SLC24A1: variants seen among roughly 807,000 people sequenced by gnomAD.
SLC24A1 encodes the protein solute carrier family 24 member 1.
SLC24A1 carries 52 observed loss-of-function variants against 88.1 expected under a neutral mutation model. The ratio of observed to expected loss-of-function variants is 0.59; its 90% CI spans 0.47 to 0.74. SLC24A1 has a LOEUF of 0.74. Ranked by LOEUF, SLC24A1 falls within the 30% of genes least tolerant of loss-of-function variation. SLC24A1 has a pLI of 0.00. For missense variants in SLC24A1, 1,173 were observed against 1,363.3 expected, an observed-to-expected ratio of 0.86 and a Z score of 2.20; for synonymous variants, 455 against 498.0, an observed-to-expected ratio of 0.91 and a Z score of 1.15.
chr15:65,625,315 C>T lies in SLC24A1; in HGVS notation c.1235C>T (p.Thr412Ile), dbSNP rs780776021. The T allele has an allele frequency of 6.2e-7, 1 of 1,614,030 alleles. No individual in the cohort carries two copies. Among genetic ancestry groups the T allele is most frequent in the Non-Finnish European group, 8.5e-7 (1 of 1,179,892 alleles). Residue 412 changes from threonine (T) to isoleucine (I), a missense_variant, in exon 2 of 10, where the codon ACA becomes ATA. By Grantham distance (89) the Thr-to-Ile change is moderately conservative. Coordinates refer to ENST00000261892, the MANE Select transcript of SLC24A1 (RefSeq NM_004727.3). ...AMLTTPSPSL[T>I]TALLPEELSP... Reference sequence around the variant, plus strand: ...CTCACCACTCCCTCCCCAAGCCTCACAACAGCCCTGCTCCCAGAGGAGCTC... The same window carrying T: ...CTCACCACTCCCTCCCCAAGCCTCATAACAGCCCTGCTCCCAGAGGAGCTC...
intron 1 of SLC24A1, among the ~76,000 whole-genome samples, chr15:65,622,755 T>C (rs924454039): frequency 6.6e-6 from 1 of 151,916 alleles, no homozygotes; most frequent in Non-Finnish European, 1.5e-5. Flanking sequence ...TTTTTTTTTT[T>C]CTTTGAGACA....
chr15:65,656,737 T>C (rs1348386162), downstream of SLC24A1, among the ~76,000 whole-genome samples: 3 of 152,236 alleles, frequency 2.0e-5, no homozygotes, highest in Non-Finnish European at 4.4e-5. Flanking sequence ...CTGCACTTCC[T>C]TGAAGGCCCT....
intron 6 of SLC24A1, among the ~76,000 whole-genome samples, chr15:65,648,444 C>G (rs2075383033): frequency 6.6e-6 from 1 of 152,016 alleles, no homozygotes; most frequent in African/African-American, 2.4e-5. Flanking sequence ...AGCTGGTTGC[C>G]TAATCTGAGG....
intron 1 of SLC24A1, among the ~76,000 whole-genome samples, chr15:65,622,743 C>CTT (rs200534714): frequency 1.1e-4 from 16 of 145,628 alleles, no homozygotes; most frequent in Admixed American, 2.1e-4. Context: ...CAGTGCTTTT[C>CTT]TTTTTTTTTT....
chr15:65,649,155 G>A (rs1244312298), intron 6 of SLC24A1, among the ~76,000 whole-genome samples: 1 of 152,106 alleles, frequency 6.6e-6, no homozygotes, highest in Non-Finnish European at 1.5e-5. Context: ...CCAGGCTGGA[G>A]TGCGTGACAC....
chr15:65,660,591 T>G, downstream of SLC24A1: 1 of 335,946 alleles, frequency 3.0e-6, no homozygotes, highest in Non-Finnish European at 5.4e-6. Flanking sequence ...AAAGTTACAT[T>G]AGAAATAATA....
At position 65,626,528 on chromosome 15, in the gene SLC24A1, G is replaced by A. The variant is rs190617735; in HGVS notation, c.1890+558G>A. 7.9e-5 allele frequency among the ~76,000 whole-genome samples: 12 copies of A among 152,160 alleles called. No individual in the cohort carries two copies. The East Asian group carries it at 2.3e-3, about 29-fold the overall frequency. On this transcript the variant is annotated intron_variant, in intron 2 of 9. Coordinates refer to ENST00000261892, the MANE Select transcript of SLC24A1 (RefSeq NM_004727.3). ...GGGGAGGGTTTTATATTTTTGTTTT[G>A]TTCTGAAAATATTAGAGAAGATGGG...
chr15:65,659,551 TG>T, downstream of SLC24A1: 1 of 151,952 alleles, frequency 6.6e-6, no homozygotes. Context: ...TTGCTCAGGC[TG>T]GTTTTGAACT....
chr15:65,639,630 C>G lies in SLC24A1; in HGVS notation c.1980C>G (p.Thr660=). Residue 660 remains threonine, a synonymous_variant, in exon 4 of 10, where the codon ACC becomes ACG. Coordinates refer to ENST00000261892, the MANE Select transcript of SLC24A1 (RefSeq NM_004727.3). Reference sequence around the variant, plus strand: ...TGCTGACCCGAGGGAGCAGCTCGACCTCTCTGCACAACAGCACCATCCGCA... The same window carrying G: ...TGCTGACCCGAGGGAGCAGCTCGACGTCTCTGCACAACAGCACCATCCGCA... ...PSLLTRGSSS[T]SLHNSTIRST... is the part of the protein sequence containing the mutation. 6.2e-7 allele frequency: 1 copy of G among 1,612,656 alleles called. No homozygotes were observed. Among genetic ancestry groups the G allele is most frequent in the Non-Finnish European group, 8.5e-7 (1 of 1,179,426 alleles).
chr15:65,646,804 TTA>T (rs1408657159), intron 6 of SLC24A1, among the ~76,000 whole-genome samples: 1 of 152,214 alleles, frequency 6.6e-6, no homozygotes, highest in African/African-American at 2.4e-5. Flanking sequence ...AAACGCTTGA[TTA>T]TATCTCATCC....
At chr15:65,642,212 T>C (rs1346677123) in intron 4 of SLC24A1, among the ~76,000 whole-genome samples, 2 of 152,218 alleles carry the variant, frequency 1.3e-5, no homozygotes, top group African/African-American at 4.8e-5. Context: ...TTTTGTATGC[T>C]GTTTCCAGAT....
chr15:65,652,155 C>T, intron 8 of SLC24A1: 1 of 344,484 alleles, frequency 2.9e-6, no homozygotes, highest in South Asian at 2.4e-5. Flanking sequence ...TGTTTCTGTT[C>T]TGCCTGGAAT....
chr15:65,611,452 G>T, exon 1 of SLC24A1: 1 of 511,134 alleles, frequency 2.0e-6, no homozygotes, highest in Non-Finnish European at 3.6e-6. Context: ...TTCCCCTTCT[G>T]CCCCACTGAC....
chr15:65,635,123 C>T (rs2074871839), intron 2 of SLC24A1, among the ~76,000 whole-genome samples: 1 of 152,058 alleles, frequency 6.6e-6, no homozygotes, highest in Non-Finnish European at 1.5e-5. Context: ...TCAGTCTCTC[C>T]TACCCCTCGG....
chr15:65,632,777 A>G (rs1277526832), intron 2 of SLC24A1, among the ~76,000 whole-genome samples: 3 of 152,194 alleles, frequency 2.0e-5, no homozygotes, highest in African/African-American at 7.2e-5. Context: ...GAGTTAATCT[A>G]GGTTTTGTGG....
Position 65,650,335 on chromosome 15 carries a change from CA to C in SLC24A1, c.2233-45del, listed in dbSNP as rs1304599173. ...AAATGGGGGAGTAACATAAGGAAAACAAGCAGAGCAGTTACCACACATTAAT... is the reference window on the plus strand; with the variant it reads ...AAATGGGGGAGTAACATAAGGAAAACAGCAGAGCAGTTACCACACATTAAT... On this transcript the variant is annotated intron_variant, in intron 6 of 9. Transcript: ENST00000261892. The surrounding 1 kb of genome is among the most constrained non-coding windows in gnomAD (Gnocchi z 4.1). 6.2e-6 allele frequency: 9 copies of C among 1,459,794 alleles called. No homozygotes were observed. The highest frequency in any genetic ancestry group is 7.4e-6 in the Non-Finnish European group (8 of 1,080,602). 90.4% of individuals were successfully genotyped at this position (1,459,794 alleles called of 1,614,324 possible).
chr15:65,636,780 G>A (rs879539201), intron 2 of SLC24A1, among the ~76,000 whole-genome samples: 9 of 151,940 alleles, frequency 5.9e-5, no homozygotes, highest in Non-Finnish European at 8.8e-5. Context: ...GGAGGCTGAG[G>A]CAGGAGAATC....
rs184758393 is a variant in SLC24A1 at position 65,654,428 on chromosome 15, C to T, written c.*349C>T. 75 of 1,165,960 alleles carry T rather than the reference C, an allele frequency of 6.4e-5. No individual in the cohort carries two copies. Among genetic ancestry groups the T allele is most frequent in the Middle Eastern group, 3.8e-4 (1 of 2,618 alleles). The allele number at this position is 1,165,960 out of a possible 1,614,324, so 72.2% of individuals were successfully genotyped here. On this transcript the variant is annotated 3_prime_UTR_variant, in exon 10 of 10. Coordinates refer to ENST00000261892, the MANE Select transcript of SLC24A1 (RefSeq NM_004727.3). ...GCAGCAGCTATAAGACAAGCTCCTA[C>T]GCTCACTGTTCCCTGATCATTCCAA... is the stretch of plus-strand genomic sequence containing the variant.
At chr15:65,623,661 T>C (rs2074396811) in intron 1 of SLC24A1, among the ~76,000 whole-genome samples, 1 of 152,144 alleles carries the variant, frequency 6.6e-6, no homozygotes, top group South Asian at 2.1e-4. Flanking sequence ...GGCAGATCTT[T>C]TGCTGAGAGC....
Sources: allele counts gnomAD v4.1 joint callset (sites outside exome capture counted in the v4.1 genomes callset), GRCh38; gene constraint gnomAD v4.1.1; non-coding constraint Gnocchi (gnomAD v3.1); transcripts MANE v1.5; gene names NCBI Gene and HGNC (gene_info 2026-07-23, HGNC 2026-07-21).